The following POLG2 variants were observed in gnomAD, a reference collection of about 807,000 sequenced individuals.
POLG2 encodes DNA polymerase gamma 2, accessory subunit.
A neutral mutation model predicts 56.5 loss-of-function variants in POLG2; 50 were observed. That is an observed-to-expected ratio of 0.88 (90% CI 0.71 to 1.12). The LOEUF (loss-of-function observed/expected upper bound fraction) is 1.12, where lower values mean the gene tolerates loss of function less well. Among genes scored for constraint, POLG2 ranks in the 50% most tolerant of loss-of-function variants. The probability of loss-of-function intolerance (pLI) is 0.00; values close to 1 mark genes in which losing one functional copy is unlikely to be tolerated. For missense variants in POLG2, 584 were observed against 583.3 expected (o/e 1.00, Z -0.01); for synonymous variants, 226 against 222.6 (o/e 1.02, Z -0.14).
intron 4 of POLG2, among the ~76,000 whole-genome samples, chr17:64,489,736 G>A (rs2038023724): frequency 6.6e-6 from 1 of 150,710 alleles, no homozygotes; most frequent in South Asian, 2.1e-4. Context: ...CAGCCTGAGT[G>A]ATAGAGTGAG....
chr17:64,490,665 A>G (rs2038042300), intron 4 of POLG2, 131 bp downstream of exon 4: 4 of 717,600 alleles, frequency 5.6e-6, no homozygotes, highest in Non-Finnish European at 1.0e-5. Flanking sequence ...TATGTAGGTG[A>G]GTGTCTCTGC....
chr17:64,494,552 A>G (rs1555669114), intron 1 of POLG2, among the ~76,000 whole-genome samples: 2 of 152,252 alleles, frequency 1.3e-5, no homozygotes, highest in East Asian at 3.9e-4. Context: ...TAGCTTCTGT[A>G]AAAACATAAG....
intron 7 of POLG2, among the ~76,000 whole-genome samples, chr17:64,478,885 ACT>A (rs2037810859): frequency 6.6e-6 from 1 of 152,044 alleles, no homozygotes; most frequent in Non-Finnish European, 1.5e-5. Flanking sequence ...ACAGTGCGAG[ACT>A]CTGTCTTAAA....
At chr17:64,488,104 CTA>C (rs1396637282) in intron 4 of POLG2, among the ~76,000 whole-genome samples, 1 of 152,020 alleles carries the variant, frequency 6.6e-6, no homozygotes, top group African/African-American at 2.4e-5. Context: ...TGGTTTACGC[CTA>C]TAATCCCAGC....
intron 1 of POLG2, among the ~76,000 whole-genome samples, chr17:64,495,486 G>A (rs966932965): frequency 6.6e-6 from 1 of 151,934 alleles, no homozygotes; most frequent in Admixed American, 6.6e-5. Flanking sequence ...GGCTGAGGTG[G>A]GAGGTTCACT....
At chr17:64,495,295 T>C (rs572919959) in intron 1 of POLG2, among the ~76,000 whole-genome samples, 2 of 148,896 alleles carry the variant, frequency 1.3e-5, no homozygotes, top group African/African-American at 5.0e-5. Flanking sequence ...TTAAAAATCA[T>C]GAGGCTGGGC....
At chr17:64,489,983 G>C (rs1248995431) in intron 4 of POLG2, among the ~76,000 whole-genome samples, 1 of 151,184 alleles carries the variant, frequency 6.6e-6, no homozygotes, top group African/African-American at 2.4e-5. Context: ...GCAGTGCAGT[G>C]GCACGATCTT....
At chr17:64,481,441 G>C in intron 6 of POLG2, 1 of 984,742 alleles carries the variant, frequency 1.0e-6, no homozygotes, top group Non-Finnish European at 1.2e-6. Context: ...ACTGCTGAAG[G>C]AGTCTCTGGA....
chr17:64,496,220 A>G (rs2038147995), intron 1 of POLG2, among the ~76,000 whole-genome samples, 187 bp downstream of exon 1: 1 of 152,196 alleles, frequency 6.6e-6, no homozygotes, highest in Non-Finnish European at 1.5e-5. Context: ...AGGAACAGCA[A>G]TGATTCCATG....
intron 5 of POLG2, chr17:64,483,964 C>T (rs2037908802): frequency 6.6e-6 from 1 of 152,244 alleles, no homozygotes; most frequent in South Asian, 2.1e-4. Flanking sequence ...ATCCACCCAC[C>T]TTGGCTTCCC....
rs375724835 is a variant in POLG2 at position 64,481,268 on chromosome 17, A to G, written c.1192-879T>C. On this transcript the variant is annotated intron_variant, in intron 6 of 7. Transcript: ENST00000539111. Reference sequence around the variant, plus strand: ...TACCCTGGGAGAAAATGTGGGACATACGCCATTATCTTCTCCTTCTTTGAG... The same window carrying G: ...TACCCTGGGAGAAAATGTGGGACATGCGCCATTATCTTCTCCTTCTTTGAG... 3.0e-6 allele frequency: 3 copies of G among 985,114 alleles called. No individual in the cohort carries two copies. The East Asian group carries it at 3.4e-4, about 112-fold the overall frequency. The allele number at this position is 985,114 out of a possible 1,614,324, so 61.0% of individuals were successfully genotyped here. A position where few individuals can be genotyped will look rare whatever the true frequency, so the allele number is the denominator to read the frequency against.
chr17:64,479,770 C>CA (rs1425347692), intron 7 of POLG2, among the ~76,000 whole-genome samples: 1 of 152,106 alleles, frequency 6.6e-6, no homozygotes, highest in East Asian at 1.9e-4. Flanking sequence ...AGCAAGCTGA[C>CA]AGCATTTGAT....
chr17:64,482,096 CTTTTT>C (rs1185623297), intron 6 of POLG2, among the ~76,000 whole-genome samples: 9 of 116,048 alleles, frequency 7.8e-5, no homozygotes, highest in South Asian at 2.7e-4. Context: ...TTAATTAAAG[CTTTTT>C]TTTTTTTTTT....
rs1555667359 is a variant in POLG2, at chr17:64,485,816, T to C, written c.1022A>G (p.Asp341Gly). The C allele has an allele frequency of 6.2e-7, 1 of 1,613,428 alleles. No individual in the cohort carries two copies. Among genetic ancestry groups the C allele is most frequent in the Admixed American group, 1.7e-5 (1 of 60,006 alleles). ...GTAGGCCAGCATGCCTCGGTCTAGG[T>C]CCCCATTTACAGAGAGAACACAAGG... Reference protein sequence around the residue: ...VVPCVLSVNGDLDRGMLAYLY... With the variant: ...VVPCVLSVNGGLDRGMLAYLY... Residue 341 changes from aspartate (D) to glycine (G), a missense_variant, in exon 5 of 8, where the codon GAC becomes GGC. Physicochemically the swap from Asp to Gly is moderately conservative, Grantham distance 94 (BLOSUM62 -1). Coordinates refer to ENST00000539111, the MANE Select transcript of POLG2 (RefSeq NM_007215.4).
At chr17:64,485,271 A>G (rs2144153790) in intron 5 of POLG2, 1 of 173,472 alleles carries the variant, frequency 5.8e-6, no homozygotes, top group South Asian at 1.4e-4. Context: ...TTCATGCACT[A>G]AAATCAGCCT....
At chr17:64,491,393 G>A (rs1242846444) in intron 3 of POLG2, 18 of 619,202 alleles carry the variant, frequency 2.9e-5, no homozygotes, top group Middle Eastern at 4.9e-4. Flanking sequence ...TTAGGACTTC[G>A]AGACCAGCCT....
At chr17:64,492,541 T>C (rs571945241) in intron 3 of POLG2, 126 bp downstream of exon 3, 1 of 655,952 alleles carries the variant, frequency 1.5e-6, no homozygotes, top group South Asian at 1.7e-5. Flanking sequence ...AGAGTTTTTG[T>C]ATTTGTATAA....
Position 64,497,015 on chromosome 17 carries a change from CCAA to C in POLG2, c.-50_-48del. 4.5e-6 allele frequency: 7 copies of C among 1,543,834 alleles called. No homozygotes were observed. The highest frequency in any genetic ancestry group is 6.2e-6 in the Non-Finnish European group (7 of 1,129,420). ...ACACTCTCCCATCACTCAACGGATC[CCAA>C]CAAGCCACCACTACCGTTAACAGAA... is the stretch of plus-strand genomic sequence containing the variant. On this transcript the variant is annotated 5_prime_UTR_variant, in exon 1 of 8. Coordinates refer to ENST00000539111, the MANE Select transcript of POLG2 (RefSeq NM_007215.4).
At chr17:64,492,272 C>CT (rs553170203) in intron 3 of POLG2, among the ~76,000 whole-genome samples, 7 of 151,282 alleles carry the variant, frequency 4.6e-5, no homozygotes, top group South Asian at 2.1e-4. Flanking sequence ...TACTTCAACT[C>CT]TTTTTTTTTC....
Sources: allele counts gnomAD v4.1 joint callset (sites outside exome capture counted in the v4.1 genomes callset), GRCh38; gene constraint gnomAD v4.1.1; transcripts MANE v1.5; gene names NCBI Gene and HGNC (gene_info 2026-07-23, HGNC 2026-07-21).